The following MYO5B variants were observed in gnomAD, a reference collection of about 807,000 sequenced individuals.
The protein encoded by MYO5B is unconventional myosin-Vb.
A neutral mutation model predicts 229.3 loss-of-function variants in MYO5B; 143 were observed. That is an observed-to-expected ratio of 0.62 (90% CI 0.54 to 0.72). The LOEUF (loss-of-function observed/expected upper bound fraction) is 0.72. Ranked by LOEUF, MYO5B falls within the 30% of genes least tolerant of loss-of-function variation. MYO5B has a pLI of 0.00. For synonymous variants in MYO5B, 918 were observed against 885.2 expected, an observed-to-expected ratio of 1.04 and a Z score of -0.66; for missense variants, 2,321 against 2,331.0, an observed-to-expected ratio of 1.00 and a Z score of 0.09.
intron 1 of MYO5B, among the ~76,000 whole-genome samples, chr18:50,163,774 G>A (rs1028365369): frequency 1.3e-5 from 2 of 152,188 alleles, no homozygotes; most frequent in Non-Finnish European, 2.9e-5. Context: ...ACCCCATGGA[G>A]CTGGCCCCTC....
At chr18:49,951,762 C>T (rs975033250) in intron 14 of MYO5B, among the ~76,000 whole-genome samples, 1 of 152,138 alleles carries the variant, frequency 6.6e-6, no homozygotes, top group Non-Finnish European at 1.5e-5. Context: ...AGTTTTCTGG[C>T]CCTATAAGTT....
In MYO5B at chr18:50,077,168, TAAAAAAAAA is replaced by T. The variant is rs71169476; in HGVS notation, c.28-21799_28-21791del. On this transcript the variant is annotated intron_variant, in intron 1 of 39. Coordinates refer to ENST00000285039, the MANE Select transcript of MYO5B (RefSeq NM_001080467.3). ...TTAGGGTTAATTTATTGTGGCAAAG[TAAAAAAAAA>T]AAAAAAAAAAAAAAAAGACAACTTA... 3.3e-4 allele frequency among the ~76,000 whole-genome samples: 27 copies of T among 81,218 alleles called. No individual in the cohort carries two copies. The East Asian group carries it at 5.7e-3, about 17-fold the overall frequency. The allele number at this position is 81,218 out of a possible 152,430, so 53.3% of individuals were successfully genotyped here.
At chr18:50,018,138 T>A (rs1015842642) in intron 4 of MYO5B, among the ~76,000 whole-genome samples, 4 of 152,208 alleles carry the variant, frequency 2.6e-5, no homozygotes, top group African/African-American at 9.7e-5. Context: ...GGATGGCTAT[T>A]CACAGTTGTG....
intron 17 of MYO5B, among the ~76,000 whole-genome samples, chr18:49,922,363 C>T (rs1416859087): frequency 6.6e-6 from 1 of 152,128 alleles, no homozygotes; most frequent in African/African-American, 2.4e-5. Context: ...AAAGATTAAG[C>T]AATGGTGCTG....
intron 1 of MYO5B, among the ~76,000 whole-genome samples, chr18:50,178,614 T>G (rs1252612268): frequency 6.6e-6 from 1 of 152,180 alleles, no homozygotes; most frequent in African/African-American, 2.4e-5. Flanking sequence ...CCTAAATAAT[T>G]TGGCTGGCAC....
intron 1 of MYO5B, among the ~76,000 whole-genome samples, chr18:50,167,924 C>T (rs2032876006): frequency 6.6e-6 from 1 of 152,162 alleles, no homozygotes; most frequent in Non-Finnish European, 1.5e-5. Flanking sequence ...ACCATAAAGG[C>T]CACTGCTGCC....
chr18:50,110,071 C>A lies in MYO5B; in HGVS notation c.28-54693G>T, dbSNP rs186051973. ...AGCCATAGACTTCCTTGCTGTTCCT[C>A]AAAATCACCAGGCCTGCTGTGCCTC... On this transcript the variant is annotated intron_variant, in intron 1 of 39. Coordinates refer to ENST00000285039, the MANE Select transcript of MYO5B (RefSeq NM_001080467.3). Among the ~76,000 whole-genome samples, 5 of 152,252 alleles carry A rather than the reference C, an allele frequency of 3.3e-5. No homozygotes were observed. The East Asian group carries it at 9.7e-4, about 29-fold the overall frequency.
chr18:50,045,704 T>C (rs946669641), intron 2 of MYO5B, among the ~76,000 whole-genome samples: 1 of 152,202 alleles, frequency 6.6e-6, no homozygotes, highest in African/African-American at 2.4e-5. Flanking sequence ...AGAGTTAATA[T>C]ATTTTCTTTC....
intron 9 of MYO5B, among the ~76,000 whole-genome samples, chr18:49,975,863 G>C (rs769890339): frequency 2.0e-5 from 3 of 152,154 alleles, no homozygotes; most frequent in Non-Finnish European, 2.9e-5. Flanking sequence ...TACTGACTAT[G>C]TGTGAGTCTT....
At chr18:50,068,285 C>A (rs2030871956) in intron 1 of MYO5B, among the ~76,000 whole-genome samples, 1 of 152,204 alleles carries the variant, frequency 6.6e-6, no homozygotes, top group Non-Finnish European at 1.5e-5. Context: ...AAAATAGAAA[C>A]CCACACCAGG....
rs1598986930 is a variant in MYO5B, at chr18:50,056,284, A to AGCTG, written c.28-907_28-906insCAGC. 2.0e-5 allele frequency among the ~76,000 whole-genome samples: 3 copies of AGCTG among 152,310 alleles called. No individual in the cohort carries two copies. The East Asian group carries it at 5.8e-4, about 29-fold the overall frequency. On this transcript the variant is annotated intron_variant, in intron 1 of 39. Transcript: ENST00000285039. ...GAGGTTCCCAGCCCTACTTGCAGTC[A>AGCTG]GAATCACCTGGGGAGCCTGGAAAAT...
chr18:50,016,050 T>C (rs918570144), intron 4 of MYO5B, among the ~76,000 whole-genome samples: 1 of 152,186 alleles, frequency 6.6e-6, no homozygotes, highest in African/African-American at 2.4e-5. Context: ...GATTCCCAAC[T>C]GGTAGAGAAG....
chr18:50,046,303 T>G (rs919571013), intron 2 of MYO5B, among the ~76,000 whole-genome samples: 2 of 152,196 alleles, frequency 1.3e-5, no homozygotes, highest in African/African-American at 4.8e-5. Flanking sequence ...GATTGTTTAA[T>G]TAGTCTGCCT....
chr18:50,071,419 C>A (rs916670083), intron 1 of MYO5B, among the ~76,000 whole-genome samples: 1 of 152,198 alleles, frequency 6.6e-6, no homozygotes, highest in Non-Finnish European at 1.5e-5. Context: ...ACAGGGCCTG[C>A]AAAGCACTGA....
At chr18:50,116,940 C>T (rs1341323020) in intron 1 of MYO5B, among the ~76,000 whole-genome samples, 1 of 151,942 alleles carries the variant, frequency 6.6e-6, no homozygotes, top group Admixed American at 6.6e-5. Context: ...GTATTTCCTA[C>T]ATAAGACTCA....
intron 4 of MYO5B, among the ~76,000 whole-genome samples, chr18:50,028,744 T>C (rs1227214025): frequency 6.6e-6 from 1 of 152,220 alleles, no homozygotes; most frequent in African/African-American, 2.4e-5. Context: ...CAGAACACAG[T>C]ATCCTGCACA....
At chr18:50,099,673 T>A (rs2031617605) in intron 1 of MYO5B, among the ~76,000 whole-genome samples, 2 of 152,184 alleles carry the variant, frequency 1.3e-5, no homozygotes, top group Admixed American at 1.3e-4. Context: ...GGACTGGAGC[T>A]TTGAGCTGCT....
At chr18:50,008,425 C>T (rs1209122405) in intron 4 of MYO5B, among the ~76,000 whole-genome samples, 7 of 152,260 alleles carry the variant, frequency 4.6e-5, no homozygotes, top group East Asian at 3.9e-4. Flanking sequence ...ATAGCAGTAC[C>T]GGCTGAGCAC....
chr18:50,153,200 A>C (rs1470319120), intron 1 of MYO5B, among the ~76,000 whole-genome samples: 1 of 152,174 alleles, frequency 6.6e-6, no homozygotes, highest in African/African-American at 2.4e-5. Context: ...ATATACACTA[A>C]TTGCAATAAG....
Sources: gnomAD v4.1 joint callset for allele counts (sites outside exome capture counted in the v4.1 genomes callset) on GRCh38, gnomAD v4.1.1 for gene constraint, MANE v1.5 for transcripts, NCBI Gene and HGNC (gene_info 2026-07-23, HGNC 2026-07-21) for gene names.